Variants in KSR1 observed in about 807,000 individuals in gnomAD.
The protein encoded by KSR1 is kinase suppressor of ras.
A neutral mutation model predicts 92.9 loss-of-function variants in KSR1; 35 were observed. The observed-to-expected ratio is 0.38, with a 90% confidence interval of 0.29 to 0.50. The LOEUF (loss-of-function observed/expected upper bound fraction) is 0.50. KSR1 is among the 20% of genes least tolerant of loss of function. KSR1 has a pLI of 0.94. For missense variants in KSR1, 972 were observed against 1,158.5 expected, an observed-to-expected ratio of 0.84 and a Z score of 2.34; for synonymous variants, 467 against 472.6, an observed-to-expected ratio of 0.99 and a Z score of 0.15.
At chr17:27,473,813 T>G (rs1283502964) in intron 1 of KSR1, among the ~76,000 whole-genome samples, 4 of 152,152 alleles carry the variant, frequency 2.6e-5, no homozygotes, top group Non-Finnish European at 4.4e-5. Flanking sequence ...GAAACTTGTC[T>G]TTTTAGGGGA....
intron 20 of KSR1, chr17:27,622,241 TC>T: frequency 2.2e-6 from 1 of 448,736 alleles, no homozygotes; most frequent in East Asian, 4.6e-5. Flanking sequence ...GCTCCCGTGT[TC>T]TTCTGAGGGC....
At chr17:27,463,018 T>C (rs1047687023) in intron 1 of KSR1, among the ~76,000 whole-genome samples, 3 of 152,238 alleles carry the variant, frequency 2.0e-5, no homozygotes, top group Non-Finnish European at 4.4e-5. Flanking sequence ...GTCTTGCTTT[T>C]ATAAATGGTG....
chr17:27,571,136 C>T (rs2072289985), intron 2 of KSR1, among the ~76,000 whole-genome samples: 1 of 152,140 alleles, frequency 6.6e-6, no homozygotes, highest in South Asian at 2.1e-4. Flanking sequence ...AACTGACTCT[C>T]CTGGGAGGGG....
chr17:27,594,597 T>C (rs780542743), intron 9 of KSR1, among the ~76,000 whole-genome samples: 1 of 152,190 alleles, frequency 6.6e-6, no homozygotes, highest in African/African-American at 2.4e-5. Context: ...CTCTCATCTC[T>C]GAGAGCAGTG....
intron 1 of KSR1, among the ~76,000 whole-genome samples, chr17:27,502,508 T>C (rs748738115): frequency 6.6e-5 from 10 of 152,216 alleles, no homozygotes; most frequent in Non-Finnish European, 1.5e-4. Flanking sequence ...ATCGACTCCA[T>C]CCTCTCCTTC....
In KSR1 at chr17:27,463,468, A is replaced by G. The variant is rs574558090; in HGVS notation, c.231+6594A>G. Among the ~76,000 whole-genome samples the G allele has an allele frequency of 3.4e-3, 477 of 138,412 alleles. 4 individuals are homozygous for G. Among genetic ancestry groups the G allele is most frequent in the Non-Finnish European group, 5.6e-3 (358 of 64,078 alleles). The allele number at this position is 138,412 out of a possible 152,430, so 90.8% of individuals were successfully genotyped here. Reference sequence around the variant, plus strand: ...TTGCACTCCAGCCTGGATGACAGAGAAAAAAAAAAAAAAAAAGAGGCTGGA... The same window carrying G: ...TTGCACTCCAGCCTGGATGACAGAGGAAAAAAAAAAAAAAAAGAGGCTGGA... On this transcript the variant is annotated intron_variant, in intron 1 of 20. Transcript: ENST00000644974.
intron 1 of KSR1, among the ~76,000 whole-genome samples, chr17:27,522,791 T>C (rs1454136130): frequency 6.6e-6 from 1 of 152,206 alleles, no homozygotes; most frequent in African/African-American, 2.4e-5. Context: ...AAGCAATGGG[T>C]GCACCACTCT....
intron 1 of KSR1, among the ~76,000 whole-genome samples, chr17:27,497,077 C>T (rs1178378745): frequency 2.0e-5 from 3 of 152,186 alleles, no homozygotes; most frequent in Admixed American, 6.5e-5. Context: ...CAGGAGAATG[C>T]GGAGCTGCTC....
intron 6 of KSR1, among the ~76,000 whole-genome samples, chr17:27,588,917 T>G (rs753538897): frequency 3.9e-5 from 6 of 152,196 alleles, no homozygotes; most frequent in Non-Finnish European, 7.3e-5. Context: ...GCTGTAGAGC[T>G]TGTTGAAAAT....
At chr17:27,575,497 G>C (rs2072470808) in intron 2 of KSR1, among the ~76,000 whole-genome samples, 1 of 152,160 alleles carries the variant, frequency 6.6e-6, no homozygotes, top group African/African-American at 2.4e-5. Flanking sequence ...GGTGGGTTTT[G>C]GCTGGCTTCT....
intron 17 of KSR1, among the ~76,000 whole-genome samples, chr17:27,610,522 C>T (rs993932211): frequency 1.2e-4 from 19 of 152,194 alleles, no homozygotes; most frequent in African/African-American, 4.1e-4. Flanking sequence ...GGATGCTCAC[C>T]AGAGCTGACC....
intron 2 of KSR1, among the ~76,000 whole-genome samples, chr17:27,552,354 C>A (rs923509245): frequency 6.6e-6 from 1 of 152,084 alleles, no homozygotes; most frequent in African/African-American, 2.4e-5. Context: ...TGCTTGGTTG[C>A]GACAGATATA....
intron 1 of KSR1, among the ~76,000 whole-genome samples, chr17:27,546,818 G>C (rs1179800029): frequency 6.6e-6 from 1 of 152,158 alleles, no homozygotes; most frequent in Non-Finnish European, 1.5e-5. Flanking sequence ...AAGCTCACTC[G>C]TGTGTCTACG....
intron 19 of KSR1, among the ~76,000 whole-genome samples, chr17:27,618,991 C>T (rs541649999): frequency 6.6e-5 from 10 of 152,244 alleles, no homozygotes; most frequent in South Asian, 2.1e-4. Context: ...CCACTGCGCC[C>T]GGCCAGTTAT....
chr17:27,458,716 C>CGTGAT (rs1275715840), intron 1 of KSR1, among the ~76,000 whole-genome samples: 1 of 151,974 alleles, frequency 6.6e-6, no homozygotes, highest in East Asian at 1.9e-4. Context: ...TTCTTCCCAC[C>CGTGAT]GTGATGTGGA....
At chr17:27,496,624 G>T (rs556923451) in intron 1 of KSR1, among the ~76,000 whole-genome samples, 1 of 152,284 alleles carries the variant, frequency 6.6e-6, no homozygotes, top group South Asian at 2.1e-4. Flanking sequence ...ATTGGGTTGG[G>T]ACTGTGGGAA....
chr17:27,497,258 A>G (rs536203111), intron 1 of KSR1, among the ~76,000 whole-genome samples: 2 of 152,250 alleles, frequency 1.3e-5, no homozygotes, highest in East Asian at 3.9e-4. Context: ...ACAGAGAAAC[A>G]GAGGCTGAAG....
intron 1 of KSR1, among the ~76,000 whole-genome samples, chr17:27,541,281 G>A (rs571799450): frequency 6.6e-6 from 1 of 152,382 alleles, no homozygotes; most frequent in South Asian, 2.1e-4. Context: ...AGTGATGGAC[G>A]AATGGAGTGG....
chr17:27,585,349 T>C (rs1244399788), intron 4 of KSR1, among the ~76,000 whole-genome samples: 1 of 152,178 alleles, frequency 6.6e-6, no homozygotes, highest in Admixed American at 6.5e-5. Flanking sequence ...TGAAATGGGC[T>C]GAACTCTAAT....
Sources: gnomAD v4.1 joint callset for allele counts (sites outside exome capture counted in the v4.1 genomes callset) on GRCh38, gnomAD v4.1.1 for gene constraint, MANE v1.5 for transcripts, NCBI Gene and HGNC (gene_info 2026-07-23, HGNC 2026-07-21) for gene names.